The following IRS1 variants were observed in gnomAD, a reference collection of about 807,000 sequenced individuals.
The protein encoded by IRS1 is insulin receptor substrate 1.
In IRS1, 34 loss-of-function variants were observed where a neutral mutation model predicts 65.6. The observed-to-expected ratio is 0.52, with a 90% CI of 0.39 to 0.69. IRS1 has a LOEUF of 0.69. IRS1 is among the 30% of genes least tolerant of loss of function. The pLI, the probability that IRS1 is intolerant of heterozygous loss-of-function variation, is 0.00. For missense variants in IRS1, 1,641 were observed against 1,720.2 expected (o/e 0.95, Z 0.81); for synonymous variants, 699 against 683.5 (o/e 1.02, Z -0.35).
In IRS1 at chr2:226,796,572, C is replaced by T. The variant is rs1335386490; in HGVS notation, c.2167G>A (p.Gly723Ser). 2 of 1,613,868 alleles carry T rather than the reference C, an allele frequency of 1.2e-6. No individual in the cohort carries two copies. The highest frequency in any genetic ancestry group is 1.7e-6 in the Non-Finnish European group (2 of 1,179,936). Residue 723 changes from glycine to serine, a missense_variant, in exon 1 of 2, where the codon GGT (glycine) becomes AGT (serine). Coordinates refer to ENST00000305123, the MANE Select transcript of IRS1 (RefSeq NM_005544.3). ...TCACCTGTGCAAGGTAAGAGCTTAC[C>T]ACCGCTGCTCTCCACTGGGGGTTTG... is the stretch of plus-strand genomic sequence containing the variant. ...HPKPPVESSG[G>S]KLLPCTGDYM...
intron 1 of IRS1, among the ~76,000 whole-genome samples, chr2:226,779,610 A>AAC (rs1167441320): frequency 1.3e-5 from 2 of 152,252 alleles, no homozygotes; most frequent in Non-Finnish European, 2.9e-5. Flanking sequence ...AATAAAATAG[A>AAC]ACTAATTTAT....
intron 1 of IRS1, among the ~76,000 whole-genome samples, chr2:226,782,367 T>C (rs1249850053): frequency 1.3e-5 from 2 of 152,244 alleles, no homozygotes; most frequent in Non-Finnish European, 2.9e-5. Flanking sequence ...ACTAAAGTAC[T>C]GCCTTTGCTT....
At chr2:226,771,281 C>T (rs969988889) in intron 1 of IRS1, among the ~76,000 whole-genome samples, 40 of 152,192 alleles carry the variant, frequency 2.6e-4, no homozygotes, top group African/African-American at 9.4e-4. Flanking sequence ...TAGCTGGGTC[C>T]CCTTTCCTGT....
Position 226,795,790 on chromosome 2 carries a change from G to A in IRS1, c.2949C>T (p.Pro983=), listed in dbSNP as rs754945617. 6.2e-7 allele frequency: 1 copy of A among 1,613,104 alleles called. No homozygotes were observed. Among genetic ancestry groups the A allele is most frequent in the African/African-American group, 1.3e-5 (1 of 74,952 alleles). ...TGGTCATGTAGTCACCCCGGCTGCT[G>A]GGCACTGCCCGGGTAGGCCTGCAAA... is the stretch of plus-strand genomic sequence containing the variant. The part of the protein sequence containing the change: ...ASICRPTRAV[P]SSRGDYMTMQ... The change falls in exon 1 of 2, where the codon CCC becomes CCT. Residue 983 remains proline, a synonymous_variant. Coordinates refer to ENST00000305123, the MANE Select transcript of IRS1 (RefSeq NM_005544.3).
chr2:226,765,670 C>T (rs969518112), intron 1 of IRS1, among the ~76,000 whole-genome samples: 4 of 152,106 alleles, frequency 2.6e-5, no homozygotes, highest in Admixed American at 2.6e-4. Context: ...GAGAAAACTC[C>T]AGTTCCTACT....
At chr2:226,744,806 C>T (rs778168418) in intron 1 of IRS1, among the ~76,000 whole-genome samples, 17 of 152,100 alleles carry the variant, frequency 1.1e-4, no homozygotes, top group Non-Finnish European at 2.2e-4. Context: ...ATCTAAGGAA[C>T]GTCTCCAGGA....
At chr2:226,750,723 C>T (rs72965937) in intron 1 of IRS1, among the ~76,000 whole-genome samples, 5,634 of 152,134 alleles carry the variant, frequency 0.037, 155 homozygotes, top group Non-Finnish European at 0.057. Context: ...CTTTAGTGTC[C>T]ACTGTTAAGC....
chr2:226,776,387 T>C (rs1206604329), intron 1 of IRS1, among the ~76,000 whole-genome samples: 1 of 152,070 alleles, frequency 6.6e-6, no homozygotes, highest in Non-Finnish European at 1.5e-5. Context: ...GGTGGGTAGA[T>C]AACTGCCCAA....
chr2:226,757,273 G>C (rs974664072), intron 1 of IRS1, among the ~76,000 whole-genome samples: 19 of 152,140 alleles, frequency 1.2e-4, no homozygotes, highest in African/African-American at 3.9e-4. Context: ...CATTCAGTAG[G>C]CCAGCAGTTC....
intron 1 of IRS1, among the ~76,000 whole-genome samples, chr2:226,767,269 G>A (rs1009252981): frequency 1.3e-5 from 2 of 152,140 alleles, no homozygotes; most frequent in Non-Finnish European, 2.9e-5. Context: ...GCTAAATTTG[G>A]ATCACATAAC....
intron 1 of IRS1, among the ~76,000 whole-genome samples, chr2:226,746,418 T>C (rs1574641753): frequency 6.6e-6 from 1 of 151,926 alleles, no homozygotes; most frequent in East Asian, 1.9e-4. Context: ...TGATGAAAAA[T>C]TGAAATTGCT....
In IRS1 at chr2:226,797,092, C is replaced by A; in HGVS notation, c.1647G>T (p.Glu549Asp). The A allele has an allele frequency of 6.2e-7, 1 of 1,613,632 alleles. No homozygotes were observed. The highest frequency in any genetic ancestry group is 8.5e-7 in the Non-Finnish European group (1 of 1,180,010). ...TPSQSSVASI[E>D]EYTEMMPAYP... The stretch of plus-strand genomic sequence containing the variant: ...AGGCAGGCATCATCTCTGTGTACTC[C>A]TCAATGGAAGCCACTGAGGACTGGG... The change falls in exon 1 of 2, where the codon GAG (glutamate) becomes GAT (aspartate). Residue 549 changes from glutamate to aspartate, a missense_variant. Coordinates refer to ENST00000305123, the MANE Select transcript of IRS1 (RefSeq NM_005544.3). The surrounding 1 kb of genome is among the most constrained non-coding windows in gnomAD (Gnocchi z 8.1).
intron 1 of IRS1, among the ~76,000 whole-genome samples, chr2:226,770,946 G>T (rs1004966061): frequency 3.3e-5 from 5 of 152,140 alleles, no homozygotes; most frequent in Non-Finnish European, 5.9e-5. Flanking sequence ...GATCTCTTGA[G>T]CACAAGAGTT....
chr2:226,777,745 A>T (rs970208186), intron 1 of IRS1, among the ~76,000 whole-genome samples: 1 of 152,150 alleles, frequency 6.6e-6, no homozygotes, highest in Non-Finnish European at 1.5e-5. Context: ...TTCCATCCAC[A>T]TAAGATGTGA....
chr2:226,785,721 T>A (rs1477782964), intron 1 of IRS1, among the ~76,000 whole-genome samples: 1 of 152,206 alleles, frequency 6.6e-6, no homozygotes, highest in Non-Finnish European at 1.5e-5. Context: ...ACTGTTATGC[T>A]AGATTAATCA....
At position 226,798,232 on chromosome 2, in the gene IRS1, C is replaced by T. The variant is rs200716368; in HGVS notation, c.507G>A (p.Lys169=). The change falls in exon 1 of 2, where the codon AAG becomes AAA. Residue 169 remains lysine (K), a synonymous_variant. Coordinates refer to ENST00000305123, the MANE Select transcript of IRS1 (RefSeq NM_005544.3). This position sits in a 1 kb window ranked among gnomAD's most constrained non-coding sequence, Gnocchi z 9.4. ...AFKEVWQVIL[K]PKGLGQTKNL... is the part of the protein sequence containing the mutation. ...TCTTTGTCTGACCCAGGCCCTTGGG[C>T]TTCAGGATCACTTGCCAGACCTCTT... is the stretch of plus-strand genomic sequence containing the variant. The T allele has an allele frequency of 5.6e-6, 9 of 1,613,738 alleles. No individual in the cohort carries two copies. The East Asian group carries it at 2.0e-4, about 36-fold the overall frequency.
At chr2:226,766,155 A>ATTTT (rs1247603503) in intron 1 of IRS1, among the ~76,000 whole-genome samples, 6 of 5,494 alleles carry the variant, frequency 1.1e-3, no homozygotes, top group Admixed American at 8.3e-3. Flanking sequence ...ATATATATAT[A>ATTTT]TATATATATT....
At chr2:226,785,157 G>T (rs1265723406) in intron 1 of IRS1, among the ~76,000 whole-genome samples, 4 of 152,146 alleles carry the variant, frequency 2.6e-5, no homozygotes, top group Non-Finnish European at 5.9e-5. Context: ...TCTTCAAAAA[G>T]ATCCTTAACC....
intron 1 of IRS1, among the ~76,000 whole-genome samples, chr2:226,771,216 AG>A (rs1255445615): frequency 6.6e-6 from 1 of 152,170 alleles, no homozygotes; most frequent in Non-Finnish European, 1.5e-5. Context: ...CAAGGTCAGA[AG>A]GTGTTGGGGA....
Sources: gnomAD v4.1 joint callset for allele counts (sites outside exome capture counted in the v4.1 genomes callset) on GRCh38, gnomAD v4.1.1 for gene constraint, Gnocchi (gnomAD v3.1) non-coding constraint, MANE v1.5 for transcripts, NCBI Gene and HGNC (gene_info 2026-07-23, HGNC 2026-07-21) for gene names.